The following TSPAN11 variants were observed in gnomAD, a reference collection of about 807,000 sequenced individuals.
TSPAN11 encodes the protein tetraspanin 11.
TSPAN11 carries 29 observed loss-of-function variants against 32.9 expected under a neutral mutation model. That is an observed-to-expected ratio of 0.88 (90% CI 0.66 to 1.20). The LOEUF is 1.20. Ranked by LOEUF, TSPAN11 falls within the 50% of genes most tolerant of loss-of-function variation. The probability of loss-of-function intolerance (pLI) is 0.00; values close to 1 mark genes in which losing one functional copy is unlikely to be tolerated. For synonymous variants in TSPAN11, 140 were observed against 141.3 expected (o/e 0.99, Z 0.07); for missense variants, 283 against 329.1 (o/e 0.86, Z 1.08).
chr12:30,995,079 ACC>A lies in TSPAN11; in HGVS notation c.*3166_*3167del, dbSNP rs1474982608. ...TGGCTTATTTCAGGCTGACAGCTGG[ACC>A]CTCTGGGTGCAGGGGCTCAGGCAGT... On this transcript the variant is annotated 3_prime_UTR_variant, in exon 8 of 8. Transcript: ENST00000546076. 1 of 152,210 alleles carries A rather than the reference ACC, an allele frequency of 6.6e-6. No individual in the cohort carries two copies. The highest frequency in any genetic ancestry group is 2.4e-5 in the African/African-American group (1 of 41,436). The allele number at this position is 152,210 out of a possible 1,614,324, so 9.4% of individuals were successfully genotyped here. A position where few individuals can be genotyped will look rare whatever the true frequency, so the allele number is the denominator to read the frequency against.
chr12:31,014,556 T>C, the TSPAN11 span, among the ~76,000 whole-genome samples: 1 of 152,230 alleles, frequency 6.6e-6, no homozygotes, highest in Non-Finnish European at 1.5e-5. Context: ...TTTATCAGTA[T>C]GTTTTATTGT....
At chr12:30,985,777 G>T (rs559224506) in intron 7 of TSPAN11, among the ~76,000 whole-genome samples, 3 of 152,236 alleles carry the variant, frequency 2.0e-5, no homozygotes, top group Non-Finnish European at 4.4e-5. Flanking sequence ...CAGAGCCGAC[G>T]GTCAAGGTAA....
At chr12:31,009,099 TGCTCTTCCCCTGGAGCCTCCCC>T in the TSPAN11 span, among the ~76,000 whole-genome samples, 434 of 152,336 alleles carry the variant, frequency 2.8e-3, 1 homozygote, top group African/African-American at 0.01. Flanking sequence ...CAAATCAAAA[TGCTCTTCCCCTGGAGCCTCCCC>T]GCTCTTCAGC....
the TSPAN11 span, among the ~76,000 whole-genome samples, chr12:31,013,625 C>CAAAAT: frequency 7.9e-5 from 12 of 151,304 alleles, no homozygotes; most frequent in East Asian, 2.1e-3. Flanking sequence ...CAAAACAAAA[C>CAAAAT]GAGGGAGCAT....
chr12:30,947,906 G>A (rs557130840), intron 1 of TSPAN11, among the ~76,000 whole-genome samples: 40 of 152,194 alleles, frequency 2.6e-4, no homozygotes, highest in Middle Eastern at 3.4e-3. Context: ...AGTCCCTTCC[G>A]CCTATGAGCC....
At chr12:31,011,497 C>T in the TSPAN11 span, among the ~76,000 whole-genome samples, 1 of 152,184 alleles carries the variant, frequency 6.6e-6, no homozygotes, top group African/African-American at 2.4e-5. Flanking sequence ...CCAAGGCACT[C>T]CCAAAATCAA....
chr12:30,936,654 A>ATAGG (rs1332470448), intron 1 of TSPAN11, among the ~76,000 whole-genome samples: 1 of 152,198 alleles, frequency 6.6e-6, no homozygotes, highest in African/African-American at 2.4e-5. Context: ...TGAGCACTGC[A>ATAGG]TAGGTGGATG....
rs1939326610 is a variant in TSPAN11, at chr12:30,992,125, GC to G, written c.*215del. On this transcript the variant is annotated 3_prime_UTR_variant, in exon 8 of 8. Transcript: ENST00000546076. ...TCGGCCCCCTCTCCTCCATTTCTGA[GC>G]CCCCATGGCCAGATCCTGGGCAGGG... 4.9e-6 allele frequency: 3 copies of G among 610,568 alleles called. No individual in the cohort carries two copies. Among genetic ancestry groups the G allele is most frequent in the African/African-American group, 3.7e-5 (2 of 54,060 alleles). The allele number at this position is 610,568 out of a possible 1,614,324, so 37.8% of individuals were successfully genotyped here. A position where few individuals can be genotyped will look rare whatever the true frequency, so the allele number is the denominator to read the frequency against.
intron 3 of TSPAN11, among the ~76,000 whole-genome samples, chr12:30,965,860 A>G (rs1938720826): frequency 1.3e-5 from 2 of 152,104 alleles, no homozygotes; most frequent in South Asian, 4.2e-4. Flanking sequence ...AAGAGGGGGC[A>G]CAGGAGAGGC....
At chr12:30,930,298 C>G (rs915050757) in intron 1 of TSPAN11, among the ~76,000 whole-genome samples, 1 of 152,218 alleles carries the variant, frequency 6.6e-6, no homozygotes, top group African/African-American at 2.4e-5. Flanking sequence ...CCCCCGACCT[C>G]TGAGCACTCA....
At chr12:30,930,927 T>C (rs1022205273) in intron 1 of TSPAN11, among the ~76,000 whole-genome samples, 2 of 152,216 alleles carry the variant, frequency 1.3e-5, no homozygotes, top group African/African-American at 4.8e-5. Flanking sequence ...CCTCTCTCAC[T>C]GCCCTGCACA....
rs1431525654 is a variant in TSPAN11, at chr12:30,975,396, C to T, written c.277-3165C>T. Reference sequence around the variant, plus strand: ...GCCAGCACCTGTGCCCACCAGCACCCGGCCTCAGTCCCCTTGAAGCCCCAG... The same window carrying T: ...GCCAGCACCTGTGCCCACCAGCACCTGGCCTCAGTCCCCTTGAAGCCCCAG... On this transcript the variant is annotated intron_variant, in intron 3 of 7. Transcript: ENST00000546076. The surrounding 1 kb of genome is among the most constrained non-coding windows in gnomAD (Gnocchi z 4.5). Among the ~76,000 whole-genome samples the T allele has an allele frequency of 2.0e-5, 3 of 152,114 alleles. No homozygotes were observed. The highest frequency in any genetic ancestry group is 1.9e-4 in the East Asian group (1 of 5,182).
the TSPAN11 span, among the ~76,000 whole-genome samples, chr12:31,009,286 C>A: frequency 2.3e-4 from 35 of 152,346 alleles, no homozygotes; most frequent in Non-Finnish European, 4.0e-4. Context: ...CCACCTCCTC[C>A]TCCAGGCCTG....
intron 3 of TSPAN11, among the ~76,000 whole-genome samples, chr12:30,972,271 C>T (rs1160899854): frequency 6.6e-6 from 1 of 152,114 alleles, no homozygotes. Context: ...ACCATGAAGG[C>T]AGAACCAGGT....
chr12:30,968,442 G>C (rs1290179967), intron 3 of TSPAN11, among the ~76,000 whole-genome samples: 1 of 152,210 alleles, frequency 6.6e-6, no homozygotes, highest in African/African-American at 2.4e-5. Context: ...ATCTCTGCTG[G>C]TGCTGAAATG....
chr12:30,939,963 G>A (rs11051174), intron 1 of TSPAN11, among the ~76,000 whole-genome samples: 76,261 of 152,134 alleles, frequency 0.5, 22,224 homozygotes, highest in Non-Finnish European at 0.67. Context: ...ATCTGAGGCT[G>A]AAATTGGAAA....
At chr12:30,988,677 C>T (rs1939251751) in intron 7 of TSPAN11, 1 of 152,222 alleles carries the variant, frequency 6.6e-6, no homozygotes, top group African/African-American at 2.4e-5. Context: ...GGGCTGAGGT[C>T]TGTGCACGGG....
chr12:30,927,659 T>G lies in TSPAN11; in HGVS notation c.-12+863T>G, dbSNP rs192988159. Among the ~76,000 whole-genome samples, 447 of 151,992 alleles carry G rather than the reference T, an allele frequency of 2.9e-3. 3 individuals carry two copies. Among genetic ancestry groups the G allele is most frequent in the African/African-American group, 0.01 (419 of 41,420 alleles). ...TGCACTCTGGGGCATAGGGTGTGTG[T>G]GGGGGAGCGTGAAGAAGAGAATGAG... is the stretch of plus-strand genomic sequence containing the variant. On this transcript the variant is annotated intron_variant, in intron 1 of 7. Coordinates refer to ENST00000546076, the MANE Select transcript of TSPAN11 (RefSeq NM_001370302.1).
At position 30,954,010 on chromosome 12, in the gene TSPAN11, G is replaced by C; in HGVS notation, c.19G>C (p.Glu7Gln). The C allele has an allele frequency of 3.1e-6, 5 of 1,613,812 alleles. No individual in the cohort carries two copies. Among genetic ancestry groups the C allele is most frequent in the Non-Finnish European group, 4.2e-6 (5 of 1,180,006 alleles). ...AGAAGCCATGGCCCACTATAAGACT[G>C]AGCAGGACGACTGGCTGATCATCTA... MAHYKT[E>Q]QDDWLIIYLK... Residue 7 changes from glutamate (E) to glutamine (Q), a missense_variant, in exon 2 of 8, where the codon GAG becomes CAG. Physicochemically the swap from Glu to Gln is conservative, Grantham distance 29. Transcript: ENST00000546076.
Sources: gnomAD v4.1 joint callset for allele counts (sites outside exome capture counted in the v4.1 genomes callset) on GRCh38, gnomAD v4.1.1 for gene constraint, Gnocchi (gnomAD v3.1) non-coding constraint, MANE v1.5 for transcripts, NCBI Gene and HGNC (gene_info 2026-07-23, HGNC 2026-07-21) for gene names.